TTC7B: variants seen among roughly 807,000 people sequenced by gnomAD.
The protein encoded by TTC7B is tetratricopeptide repeat protein 7B.
TTC7B carries 28 observed loss-of-function variants against 106.8 expected under a neutral mutation model. That is an observed-to-expected ratio of 0.26 (90% CI 0.19 to 0.36). The LOEUF (loss-of-function observed/expected upper bound fraction) is 0.36. Ranked by LOEUF, TTC7B falls within the 10% of genes least tolerant of loss-of-function variation. TTC7B has a pLI of 1.00. For synonymous variants in TTC7B, 405 were observed against 430.6 expected (o/e 0.94, Z 0.74); for missense variants, 862 against 1,076.4 (o/e 0.80, Z 2.79).
intron 5 of TTC7B, among the ~76,000 whole-genome samples, chr14:90,721,713 G>A (rs767678143): frequency 6.6e-6 from 1 of 152,146 alleles, no homozygotes; most frequent in Admixed American, 6.5e-5. Context: ...CAAGAGGACA[G>A]GTCCCAGCTC....
chr14:90,785,173 A>C (rs1439097112), intron 2 of TTC7B, among the ~76,000 whole-genome samples: 23 of 152,190 alleles, frequency 1.5e-4, no homozygotes. Flanking sequence ...TCACACAGCA[A>C]GTCGGGAGCA....
intron 17 of TTC7B, among the ~76,000 whole-genome samples, chr14:90,598,354 C>A (rs1489327001): frequency 6.6e-6 from 1 of 152,224 alleles, no homozygotes; most frequent in Admixed American, 6.5e-5. Flanking sequence ...CACCTAGATC[C>A]TCAATCGAAA....
chr14:90,667,904 A>T (rs1337577728), intron 9 of TTC7B, among the ~76,000 whole-genome samples: 3 of 152,224 alleles, frequency 2.0e-5, no homozygotes, highest in Non-Finnish European at 4.4e-5. Flanking sequence ...TCTTCAGGAT[A>T]GATCACCAGC....
intron 16 of TTC7B, among the ~76,000 whole-genome samples, chr14:90,617,492 A>C (rs952356869): frequency 6.6e-6 from 1 of 152,222 alleles, no homozygotes; most frequent in Non-Finnish European, 1.5e-5. Flanking sequence ...TTTTATGCCA[A>C]TAGCCACTTC....
intron 9 of TTC7B, among the ~76,000 whole-genome samples, chr14:90,672,495 G>A (rs1886672351): frequency 6.6e-6 from 1 of 152,118 alleles, no homozygotes; most frequent in Non-Finnish European, 1.5e-5. Flanking sequence ...TGGGTCCAGT[G>A]CCTTCACAGC....
Position 90,624,057 on chromosome 14 carries a change from T to G in TTC7B, c.1752-6012A>C, listed in dbSNP as rs1318812994. ...CAAAAACAAAACAAAACAAAACCCA[T>G]GAGTGTGCCTGTATGCATATGCGTG... On this transcript the variant is annotated intron_variant, in intron 15 of 19. Coordinates refer to ENST00000328459, the MANE Select transcript of TTC7B (RefSeq NM_001010854.2). The surrounding 1 kb of genome is among the most constrained non-coding windows in gnomAD (Gnocchi z 4.0). Among the ~76,000 whole-genome samples the G allele has an allele frequency of 6.6e-6, 1 of 152,038 alleles. No homozygotes were observed.
chr14:90,629,455 A>C (rs1407626175), intron 15 of TTC7B, among the ~76,000 whole-genome samples: 1 of 152,246 alleles, frequency 6.6e-6, no homozygotes, highest in African/African-American at 2.4e-5. Context: ...AAAATGGATA[A>C]CAGATGAAAC....
rs79960671 is a variant in TTC7B at position 90,699,102 on chromosome 14, T to C, written c.699-3524A>G. The C allele has an allele frequency of 1.9e-4, 88 of 451,964 alleles. 3 individuals are homozygous for C. In the East Asian group the frequency reaches 6.0e-3, roughly 31 times the overall value. The allele number at this position is 451,964 out of a possible 1,614,324, so 28.0% of individuals were successfully genotyped here. ...GGTTCCAGTTCCCCCTTGGGCCCCA[T>C]GGCAGCACCTTTCCAGGCTCTGAAA... On this transcript the variant is annotated intron_variant, in intron 5 of 19. Transcript: ENST00000328459.
intron 19 of TTC7B, among the ~76,000 whole-genome samples, chr14:90,542,393 C>A (rs1223030679): frequency 1.3e-5 from 2 of 152,176 alleles, no homozygotes; most frequent in African/African-American, 4.8e-5. Context: ...CTGTCATCTT[C>A]GTTTTCCTTG....
At chr14:90,558,628 C>T (rs1778856159) in intron 19 of TTC7B, among the ~76,000 whole-genome samples, 1 of 152,216 alleles carries the variant, frequency 6.6e-6, no homozygotes, top group Non-Finnish European at 1.5e-5. Flanking sequence ...ACTGATAGGC[C>T]TTGGAAAATT....
Position 90,786,325 on chromosome 14 carries a change from T to A in TTC7B, c.125A>T (p.Asp42Val). The change falls in exon 2 of 20, where the codon GAC becomes GTC. Residue 42 changes from aspartate (D) to valine (V), a missense_variant. Transcript: ENST00000328459. Reference protein sequence around the residue: ...QLSAKLIANDDMAELLLGESK... With the variant: ...QLSAKLIANDVMAELLLGESK... ...CTCCCCGAGGAGAAGCTCTGCCATG[T>A]CATCTACAAAAACAAAGTGAGAACA... is the stretch of plus-strand genomic sequence containing the variant. The A allele has an allele frequency of 6.2e-7, 1 of 1,613,300 alleles. No homozygotes were observed. Among genetic ancestry groups the A allele is most frequent in the Non-Finnish European group, 8.5e-7 (1 of 1,179,768 alleles).
intron 17 of TTC7B, among the ~76,000 whole-genome samples, chr14:90,594,757 T>G (rs1021432549): frequency 6.6e-6 from 1 of 152,184 alleles, no homozygotes; most frequent in African/African-American, 2.4e-5. Flanking sequence ...AATACAAAAT[T>G]GTGAGCATAA....
At chr14:90,625,929 G>A (rs1181957916) in intron 15 of TTC7B, among the ~76,000 whole-genome samples, 1 of 152,208 alleles carries the variant, frequency 6.6e-6, no homozygotes, top group Non-Finnish European at 1.5e-5. Flanking sequence ...AAAAGGCCTT[G>A]AGGTCAAATA....
chr14:90,753,819 C>G (rs1244447548), intron 3 of TTC7B, among the ~76,000 whole-genome samples: 1 of 152,178 alleles, frequency 6.6e-6, no homozygotes, highest in Non-Finnish European at 1.5e-5. Context: ...CACACACATC[C>G]CTCATAAAAG....
intron 5 of TTC7B, among the ~76,000 whole-genome samples, chr14:90,703,691 G>A (rs900709068): frequency 1.3e-5 from 2 of 152,344 alleles, no homozygotes; most frequent in Admixed American, 6.5e-5. Flanking sequence ...GACGACAGGC[G>A]TCGCAAGCCT....
chr14:90,642,111 T>C (rs1885206807), intron 15 of TTC7B, among the ~76,000 whole-genome samples: 1 of 152,170 alleles, frequency 6.6e-6, no homozygotes, highest in African/African-American at 2.4e-5. Flanking sequence ...ATAAACAGCT[T>C]GGGGTAAAAT....
intron 4 of TTC7B, among the ~76,000 whole-genome samples, chr14:90,732,300 C>T (rs375815135): frequency 1.3e-5 from 2 of 152,108 alleles, no homozygotes; most frequent in East Asian, 1.9e-4. Context: ...TTACATCATC[C>T]GAGCTGCCAG....
chr14:90,619,205 G>A (rs1160682180), intron 15 of TTC7B, among the ~76,000 whole-genome samples: 1 of 152,156 alleles, frequency 6.6e-6, no homozygotes, highest in Non-Finnish European at 1.5e-5. Context: ...AATCATTTTT[G>A]TTCTCACCTC....
At chr14:90,815,306 C>T (rs1487591535) in intron 1 of TTC7B, among the ~76,000 whole-genome samples, 4 of 152,170 alleles carry the variant, frequency 2.6e-5, no homozygotes, top group Non-Finnish European at 5.9e-5. Flanking sequence ...GAGCTGTGCA[C>T]TGGAATGGGA....
Sources: allele counts gnomAD v4.1 joint callset (sites outside exome capture counted in the v4.1 genomes callset), GRCh38; gene constraint gnomAD v4.1.1; non-coding constraint Gnocchi (gnomAD v3.1); transcripts MANE v1.5; gene names NCBI Gene and HGNC (gene_info 2026-07-23, HGNC 2026-07-21).